Variants in ABCB4 observed in about 807,000 individuals in gnomAD.
The protein encoded by ABCB4 is ATP binding cassette subfamily B member 4.
ABCB4 carries 76 observed loss-of-function variants against 145.7 expected under a neutral mutation model. That is an observed-to-expected ratio of 0.52 (90% CI 0.43 to 0.63). The LOEUF (loss-of-function observed/expected upper bound fraction) is 0.63, where lower values mean the gene tolerates loss of function less well. ABCB4 is among the 30% of genes least tolerant of loss of function. ABCB4 has a pLI of 0.00. For missense variants in ABCB4, 1,234 were observed against 1,553.1 expected (o/e 0.79, Z 3.45); for synonymous variants, 517 against 566.8 (o/e 0.91, Z 1.25).
the ABCB4 span, among the ~76,000 whole-genome samples, chr7:87,385,939 A>G: frequency 6.6e-6 from 1 of 152,198 alleles, no homozygotes; most frequent in Non-Finnish European, 1.5e-5. Flanking sequence ...TGAAATGATT[A>G]TAGGGTTTTT....
At position 87,413,704 on chromosome 7, in the gene ABCB4, G is replaced by A; in HGVS notation, c.2696C>T (p.Ala899Val). The part of the protein sequence containing the change: ...LEAAGKIATE[A>V]IENIRTVVSL... ...CACAACTGTCCTAATATTTTCTATT[G>A]CCTCTGTTGCAATCTGTAACACAGA... The change falls in exon 22 of 28, where the codon GCA (alanine) becomes GTA (valine). Residue 899 changes from alanine to valine, a missense_variant. By Grantham distance (64) the Ala-to-Val change is moderately conservative. Around this residue, in one of 7 missense-constraint regions of ABCB4, gnomAD observed 301 missense variants for 389.0 expected, o/e 0.77. Transcript: ENST00000649586. The A allele has an allele frequency of 6.2e-7, 1 of 1,608,790 alleles. No individual in the cohort carries two copies. The highest frequency in any genetic ancestry group is 8.5e-7 in the Non-Finnish European group (1 of 1,175,748).
chr7:87,388,966 G>A, the ABCB4 span, among the ~76,000 whole-genome samples: 2 of 152,078 alleles, frequency 1.3e-5, no homozygotes, highest in African/African-American at 2.4e-5. Flanking sequence ...GGCAAAAGAT[G>A]TGAACAGACA....
At chr7:87,376,403 A>G in the ABCB4 span, among the ~76,000 whole-genome samples, 3 of 152,086 alleles carry the variant, frequency 2.0e-5, no homozygotes, top group Admixed American at 6.6e-5. Context: ...CATTTGGTTA[A>G]TTGCTGAACA....
intron 7 of ABCB4, among the ~76,000 whole-genome samples, chr7:87,450,516 A>C (rs1584761047): frequency 7.0e-6 from 1 of 142,934 alleles, no homozygotes; most frequent in Admixed American, 7.1e-5. Context: ...TGTTGCCCAG[A>C]CTGGAGTGCA....
At chr7:87,396,030 T>A in the ABCB4 span, among the ~76,000 whole-genome samples, 557 of 152,252 alleles carry the variant, frequency 3.7e-3, no homozygotes, top group African/African-American at 0.013. Context: ...GAAAACTATG[T>A]CCAGATGTAC....
the ABCB4 span, among the ~76,000 whole-genome samples, chr7:87,390,644 AAG>A: frequency 6.6e-6 from 1 of 152,178 alleles, no homozygotes; most frequent in Admixed American, 6.5e-5. Flanking sequence ...ATAAGAAAGT[AAG>A]AGAGTTTTAT....
intron 25 of ABCB4, 120 bp from the exon 26 acceptor site, chr7:87,406,614 A>C: frequency 9.3e-7 from 1 of 1,072,784 alleles, no homozygotes; most frequent in Non-Finnish European, 1.4e-6. Flanking sequence ...TCAAAACAAC[A>C]ACCCTCCAAG....
intron 4 of ABCB4, among the ~76,000 whole-genome samples, chr7:87,455,076 T>C (rs1193789840): frequency 6.6e-6 from 1 of 152,122 alleles, no homozygotes; most frequent in Non-Finnish European, 1.5e-5. Flanking sequence ...TTTCTTTACA[T>C]GTCTCATATG....
intron 16 of ABCB4, among the ~76,000 whole-genome samples, chr7:87,424,663 G>A: frequency 6.6e-6 from 1 of 151,982 alleles, no homozygotes; most frequent in Admixed American, 6.6e-5. Flanking sequence ...TTTTCCCTGT[G>A]CAGACTTCTC....
intron 18 of ABCB4, among the ~76,000 whole-genome samples, chr7:87,421,118 A>C (rs535440105): frequency 1.3e-5 from 2 of 152,330 alleles, no homozygotes; most frequent in East Asian, 3.9e-4. Context: ...TACCACATCC[A>C]AACTGGAGAG....
chr7:87,398,900 A>C, downstream of ABCB4: 1 of 383,738 alleles, frequency 2.6e-6, no homozygotes, highest in South Asian at 3.7e-5. Context: ...ACTATGCAGT[A>C]TTTAAGCCTC....
the ABCB4 span, among the ~76,000 whole-genome samples, chr7:87,389,002 G>A: frequency 6.6e-6 from 1 of 152,142 alleles, no homozygotes; most frequent in Non-Finnish European, 1.5e-5. Flanking sequence ...CATTTATGTG[G>A]CCAACAAACA....
chr7:87,394,429 A>C, the ABCB4 span, among the ~76,000 whole-genome samples: 1 of 152,200 alleles, frequency 6.6e-6, no homozygotes, highest in South Asian at 2.1e-4. Context: ...AAGTGCTCCC[A>C]AGAAGCAGAG....
At chr7:87,380,627 CA>C in the ABCB4 span, among the ~76,000 whole-genome samples, 2 of 152,112 alleles carry the variant, frequency 1.3e-5, no homozygotes, top group African/African-American at 4.8e-5. Flanking sequence ...ATTATGTGAA[CA>C]AATAAAGCAT....
At chr7:87,468,970 T>C (rs192710051) in intron 3 of ABCB4, among the ~76,000 whole-genome samples, 1 of 151,054 alleles carries the variant, frequency 6.6e-6, no homozygotes, top group East Asian at 1.9e-4. Flanking sequence ...TAAAATAAAA[T>C]AAAATAAAAT....
the ABCB4 span, among the ~76,000 whole-genome samples, chr7:87,374,449 G>GT: frequency 1.3e-5 from 2 of 152,050 alleles, no homozygotes; most frequent in Non-Finnish European, 2.9e-5. Context: ...GAGGTAGTTG[G>GT]TAAGGGAAAG....
intron 14 of ABCB4, among the ~76,000 whole-genome samples, chr7:87,433,564 T>G (rs143662218): frequency 1.6e-4 from 25 of 152,174 alleles, no homozygotes; most frequent in Non-Finnish European, 3.5e-4. Flanking sequence ...AGTGAATGAT[T>G]GCTATGTAAA....
the ABCB4 span, among the ~76,000 whole-genome samples, chr7:87,377,175 T>C: frequency 6.6e-6 from 1 of 152,134 alleles, no homozygotes; most frequent in Non-Finnish European, 1.5e-5. Context: ...CCAGAATTAC[T>C]CTCTCTTGAC....
At chr7:87,369,442 T>TCC in the ABCB4 span, 3 of 1,613,296 alleles carry the variant, frequency 1.9e-6, no homozygotes, top group African/African-American at 4.0e-5. Flanking sequence ...GTCTTTGATG[T>TCC]AATACATGAA....
Sources: allele counts gnomAD v4.1 joint callset (sites outside exome capture counted in the v4.1 genomes callset), GRCh38; gene constraint gnomAD v4.1.1; regional missense constraint gnomAD v4.1.1; transcripts MANE v1.5; gene names NCBI Gene and HGNC (gene_info 2026-07-23, HGNC 2026-07-21).